The following DENND1B variants were observed in gnomAD, a reference collection of about 807,000 sequenced individuals.
The protein encoded by DENND1B is DENN domain-containing protein 1B.
DENND1B carries 59 observed loss-of-function variants against 90.1 expected under a neutral mutation model. The observed-to-expected ratio is 0.65, with a 90% CI of 0.53 to 0.81. DENND1B has a LOEUF of 0.81. Among genes scored for constraint, DENND1B ranks in the 40% least tolerant of loss-of-function variants. The pLI, the probability that DENND1B is intolerant of heterozygous loss-of-function variation, is 0.00. For synonymous variants in DENND1B, 337 were observed against 324.6 expected, an observed-to-expected ratio of 1.04 and a Z score of -0.41; for missense variants, 862 against 912.6, an observed-to-expected ratio of 0.94 and a Z score of 0.71.
intron 14 of DENND1B, among the ~76,000 whole-genome samples, chr1:197,587,786 A>C (rs1674836300): frequency 6.6e-6 from 1 of 152,076 alleles, no homozygotes; most frequent in African/African-American, 2.4e-5. Context: ...TTACATTGTA[A>C]TACATAACGA....
At chr1:197,671,140 A>G (rs755033843) in intron 5 of DENND1B, among the ~76,000 whole-genome samples, 5 of 152,212 alleles carry the variant, frequency 3.3e-5, no homozygotes, top group Non-Finnish European at 7.3e-5. Flanking sequence ...TCTTTGTAAT[A>G]TGTTATTTCA....
At chr1:197,581,195 C>G (rs911399324) in intron 15 of DENND1B, among the ~76,000 whole-genome samples, 3 of 152,138 alleles carry the variant, frequency 2.0e-5, no homozygotes, top group African/African-American at 7.2e-5. Flanking sequence ...ATTGACTCTT[C>G]TTTTAGAAGT....
chr1:197,621,340 G>A (rs1354216342), intron 10 of DENND1B, among the ~76,000 whole-genome samples: 1 of 150,814 alleles, frequency 6.6e-6, no homozygotes, highest in African/African-American at 2.4e-5. Context: ...ACATGGCAAA[G>A]ACTCTAAATA....
chr1:197,606,014 A>G (rs1676644271), intron 13 of DENND1B: 1 of 151,106 alleles, frequency 6.6e-6, no homozygotes, highest in Non-Finnish European at 1.5e-5. Flanking sequence ...TATGCTCTGA[A>G]GGCATTTTTA....
At chr1:197,657,329 A>G (rs1653945020) in intron 6 of DENND1B, among the ~76,000 whole-genome samples, 1 of 152,186 alleles carries the variant, frequency 6.6e-6, no homozygotes, top group African/African-American at 2.4e-5. Context: ...AAGAGTTCCA[A>G]CAAGTACTTC....
At chr1:197,591,601 A>G (rs1675209681) in intron 14 of DENND1B, among the ~76,000 whole-genome samples, 3 of 152,122 alleles carry the variant, frequency 2.0e-5, no homozygotes, top group Non-Finnish European at 1.5e-5. Context: ...AGTAGTAGTT[A>G]CTCCAGGTAA....
At chr1:197,587,606 G>A (rs1169024775) in intron 14 of DENND1B, among the ~76,000 whole-genome samples, 2 of 152,066 alleles carry the variant, frequency 1.3e-5, no homozygotes, top group African/African-American at 2.4e-5. Flanking sequence ...GGAGGTCGGG[G>A]ACTAAATTCT....
In DENND1B at chr1:197,545,069, G is replaced by GAATAAT. The variant is rs76235292; in HGVS notation, c.1350+852_1350+853insATTATT. Reference sequence around the variant, plus strand: ...AGAAGGAGAAGAAGAAGAAGAAGAAGAATTCCAAGAAAAATCTTGGAATGT... The same window carrying GAATAAT: ...AGAAGGAGAAGAAGAAGAAGAAGAAGAATAATAATTCCAAGAAAAATCTTGGAATGT... On this transcript the variant is annotated intron_variant, in intron 18 of 22. Coordinates refer to ENST00000620048, the MANE Select transcript of DENND1B (RefSeq NM_001195215.2). Among the ~76,000 whole-genome samples the GAATAAT allele has an allele frequency of 5.3e-3, 695 of 130,788 alleles. 5 individuals carry two copies. The highest frequency in any genetic ancestry group is 0.015 in the Middle Eastern group (4 of 272). The allele number at this position is 130,788 out of a possible 152,430, so 85.8% of individuals were successfully genotyped here. A position where few individuals can be genotyped will look rare whatever the true frequency, so the allele number is the denominator to read the frequency against.
chr1:197,629,636 G>C (rs301503), intron 10 of DENND1B, among the ~76,000 whole-genome samples: 33 of 151,608 alleles, frequency 2.2e-4, no homozygotes, highest in South Asian at 8.3e-4. Context: ...ATGTAACTAA[G>C]CTGCACATTG....
rs1435180042 is a variant in DENND1B, at chr1:197,552,301, C to A, written c.1240+721G>T. ...TATTTAGTACACTTAATATTTAGAA[C>A]AGTGCCTAATACATTGTAAGCACTC... On this transcript the variant is annotated intron_variant, in intron 16 of 22. Transcript: ENST00000620048. The A allele has an allele frequency of 3.1e-5, 30 of 979,938 alleles. 1 individual carries two copies. The highest frequency in any genetic ancestry group is 1.0e-3 in the Middle Eastern group (2 of 1,930). The allele number at this position is 979,938 out of a possible 1,614,324, so 60.7% of individuals were successfully genotyped here. A position where few individuals can be genotyped will look rare whatever the true frequency, so the allele number is the denominator to read the frequency against.
chr1:197,510,312 A>G lies in DENND1B; in HGVS notation c.*148T>C, dbSNP rs1667931521. Reference sequence around the variant, plus strand: ...ATATTTAAAAATCAATGCATTTCATATATCCTCGAAATGAACAAGTGAGAA... The same window carrying G: ...ATATTTAAAAATCAATGCATTTCATGTATCCTCGAAATGAACAAGTGAGAA... On this transcript the variant is annotated 3_prime_UTR_variant, in exon 23 of 23. Transcript: ENST00000620048. The G allele has an allele frequency of 1.1e-6, 1 of 870,718 alleles. No homozygotes were observed. The highest frequency in any genetic ancestry group is 1.7e-6 in the Non-Finnish European group (1 of 591,766). 53.9% of individuals were successfully genotyped at this position (870,718 alleles called of 1,614,324 possible). A position where few individuals can be genotyped will look rare whatever the true frequency, so the allele number is the denominator to read the frequency against.
At chr1:197,685,753 AT>A (rs1657168014) in intron 3 of DENND1B, 1 of 152,156 alleles carries the variant, frequency 6.6e-6, no homozygotes, top group African/African-American at 2.4e-5. Flanking sequence ...AAAATTTAAA[AT>A]CTGAAGTCCT....
chr1:197,714,565 A>T (rs1319388229), intron 3 of DENND1B, among the ~76,000 whole-genome samples: 1 of 152,080 alleles, frequency 6.6e-6, no homozygotes, highest in South Asian at 2.1e-4. Flanking sequence ...ATTTTAAAAT[A>T]AAAAAAGTGA....
intron 15 of DENND1B, among the ~76,000 whole-genome samples, chr1:197,568,218 T>C (rs1023856097): frequency 6.6e-6 from 1 of 151,382 alleles, no homozygotes; most frequent in Non-Finnish European, 1.5e-5. Flanking sequence ...TTAATAACTA[T>C]CCAAAAAGAA....
intron 15 of DENND1B, among the ~76,000 whole-genome samples, chr1:197,578,134 A>G (rs894493495): frequency 1.3e-5 from 2 of 152,182 alleles, no homozygotes; most frequent in Non-Finnish European, 2.9e-5. Context: ...CAGTTAGACA[A>G]GAGAAATAGG....
At chr1:197,701,589 A>C (rs916508586) in intron 3 of DENND1B, among the ~76,000 whole-genome samples, 1 of 151,956 alleles carries the variant, frequency 6.6e-6, no homozygotes, top group Non-Finnish European at 1.5e-5. Context: ...AAGAAGAAAG[A>C]AGAAAGAAAA....
At chr1:197,718,046 A>G (rs1038305792) in intron 2 of DENND1B, among the ~76,000 whole-genome samples, 1 of 152,064 alleles carries the variant, frequency 6.6e-6, no homozygotes. Flanking sequence ...AAGAATATGT[A>G]TGAAGAAATT....
chr1:197,610,022 A>G (rs777787398), intron 12 of DENND1B, among the ~76,000 whole-genome samples: 14 of 150,814 alleles, frequency 9.3e-5, no homozygotes, highest in Non-Finnish European at 1.9e-4. Flanking sequence ...CAGGATTTAC[A>G]TCATCTTGTA....
intron 15 of DENND1B, among the ~76,000 whole-genome samples, chr1:197,563,418 T>C (rs1672340633): frequency 6.6e-6 from 1 of 151,996 alleles, no homozygotes; most frequent in Non-Finnish European, 1.5e-5. Flanking sequence ...ATGCTGAGTC[T>C]ACTCTGCCTG....
Sources: gnomAD v4.1 joint callset for allele counts (sites outside exome capture counted in the v4.1 genomes callset) on GRCh38, gnomAD v4.1.1 for gene constraint, MANE v1.5 for transcripts, NCBI Gene and HGNC (gene_info 2026-07-23, HGNC 2026-07-21) for gene names.